Variants in TTC28 observed in about 807,000 individuals in gnomAD.
The protein encoded by TTC28 is tetratricopeptide repeat domain 28, also known as tetratricopeptide repeat protein 28.
Under a neutral mutation model 198.0 loss-of-function variants are expected in TTC28, and 61 were observed. The observed-to-expected ratio is 0.31, with a 90% confidence interval of 0.25 to 0.38. The LOEUF is 0.38. Among genes scored for constraint, TTC28 ranks in the 10% least tolerant of loss-of-function variants. TTC28 has a pLI of 1.00. For missense variants in TTC28, 2,678 were observed against 3,164.0 expected, an observed-to-expected ratio of 0.85 and a Z score of 3.69; for synonymous variants, 1,171 against 1,297.8, an observed-to-expected ratio of 0.90 and a Z score of 2.10.
At chr22:28,506,319 G>A (rs1483071358) in intron 2 of TTC28, among the ~76,000 whole-genome samples, 6 of 151,376 alleles carry the variant, frequency 4.0e-5, no homozygotes, top group Admixed American at 2.0e-4. Context: ...CTTTAATTGC[G>A]ACCCTGACCC....
At chr22:28,372,344 T>C (rs117501807) in intron 2 of TTC28, among the ~76,000 whole-genome samples, 2,246 of 152,296 alleles carry the variant, frequency 0.015, 27 homozygotes, top group Non-Finnish European at 0.023. Flanking sequence ...CTACAGGATA[T>C]TTTTATTAAA....
At chr22:28,653,892 C>T (rs550522164) in intron 1 of TTC28, among the ~76,000 whole-genome samples, 18 of 152,290 alleles carry the variant, frequency 1.2e-4, no homozygotes, top group Non-Finnish European at 2.5e-4. Context: ...CTTACATGTC[C>T]GAAAATGACG....
intron 2 of TTC28, among the ~76,000 whole-genome samples, chr22:28,538,577 T>A (rs1276926229): frequency 8.1e-6 from 1 of 122,846 alleles, no homozygotes; most frequent in Non-Finnish European, 1.8e-5. Flanking sequence ...TTTTTTTTTT[T>A]GAGACAGAGT....
intron 12 of TTC28, among the ~76,000 whole-genome samples, chr22:28,089,163 A>G (rs150411168): frequency 0.069 from 10,443 of 152,086 alleles, 396 homozygotes; most frequent in South Asian, 0.09. Context: ...CCCATTACTG[A>G]GTATATACCC....
At chr22:28,042,262 T>C (rs1049344268) in intron 12 of TTC28, among the ~76,000 whole-genome samples, 12 of 145,200 alleles carry the variant, frequency 8.3e-5, no homozygotes, top group African/African-American at 3.2e-4. Context: ...ATCATGCTAC[T>C]ATAAAGACAC....
At chr22:28,260,924 A>G (rs1390884426) in intron 5 of TTC28, among the ~76,000 whole-genome samples, 1 of 152,102 alleles carries the variant, frequency 6.6e-6, no homozygotes, top group African/African-American at 2.4e-5. Context: ...TTCTCTTCTC[A>G]CCCTCAGTCC....
intron 3 of TTC28, among the ~76,000 whole-genome samples, chr22:28,301,664 A>G (rs975713952): frequency 6.6e-6 from 1 of 152,228 alleles, no homozygotes; most frequent in Non-Finnish European, 1.5e-5. Flanking sequence ...TTTTATATCT[A>G]AAGGGGCCTA....
At chr22:28,033,980 G>T (rs944467144) in intron 12 of TTC28, among the ~76,000 whole-genome samples, 1 of 152,176 alleles carries the variant, frequency 6.6e-6, no homozygotes, top group Admixed American at 6.5e-5. Flanking sequence ...TAGAAAGACT[G>T]AATGGACAAT....
chr22:28,029,142 G>T (rs1325622695), intron 13 of TTC28: 3 of 470,810 alleles, frequency 6.4e-6, no homozygotes, highest in Non-Finnish European at 1.3e-5. Flanking sequence ...AGCCATGAGG[G>T]ACACCTGTGA....
At chr22:28,476,002 C>T (rs1483009739) in intron 2 of TTC28, among the ~76,000 whole-genome samples, 1 of 152,072 alleles carries the variant, frequency 6.6e-6, no homozygotes, top group Non-Finnish European at 1.5e-5. Flanking sequence ...TACACAAAAG[C>T]CAGAGTAGCT....
At chr22:28,336,008 G>T (rs1473645069) in intron 2 of TTC28, among the ~76,000 whole-genome samples, 1 of 152,088 alleles carries the variant, frequency 6.6e-6, no homozygotes, top group African/African-American at 2.4e-5. Flanking sequence ...TTTGAGATAC[G>T]TGCCATCAAT....
chr22:28,396,332 A>G (rs2046815169), intron 2 of TTC28, among the ~76,000 whole-genome samples: 2 of 152,226 alleles, frequency 1.3e-5, no homozygotes, highest in Non-Finnish European at 2.9e-5. Flanking sequence ...GAAAGGCCCA[A>G]TCTGACAACT....
chr22:28,598,727 T>C (rs1469009049), intron 2 of TTC28, among the ~76,000 whole-genome samples: 1 of 152,086 alleles, frequency 6.6e-6, no homozygotes, highest in Admixed American at 6.6e-5. Flanking sequence ...CTCTATCCAT[T>C]TGGGGTATAG....
chr22:28,271,575 C>A (rs1237050593), intron 5 of TTC28, among the ~76,000 whole-genome samples: 1 of 152,192 alleles, frequency 6.6e-6, no homozygotes, highest in Non-Finnish European at 1.5e-5. Context: ...TTTCCCCACA[C>A]TGTTCTTGTG....
At chr22:28,006,756 T>C (rs1043247817) in intron 14 of TTC28, 2 of 152,262 alleles carry the variant, frequency 1.3e-5, no homozygotes, top group African/African-American at 4.8e-5. Flanking sequence ...TGGTGAATTC[T>C]GATTGGATTG....
intron 2 of TTC28, among the ~76,000 whole-genome samples, chr22:28,381,642 T>G (rs1443745891): frequency 6.6e-6 from 1 of 151,978 alleles, no homozygotes; most frequent in African/African-American, 2.4e-5. Flanking sequence ...AGAACAGAGG[T>G]TTAAAAATGT....
At chr22:28,642,649 A>C (rs1413100822) in intron 1 of TTC28, among the ~76,000 whole-genome samples, 1 of 152,178 alleles carries the variant, frequency 6.6e-6, no homozygotes, top group African/African-American at 2.4e-5. Context: ...ATATGGAATT[A>C]GGTCTCTAGA....
At chr22:28,183,954 T>C (rs1039377799) in intron 5 of TTC28, among the ~76,000 whole-genome samples, 2 of 152,194 alleles carry the variant, frequency 1.3e-5, no homozygotes, top group African/African-American at 4.8e-5. Context: ...AATTAAACTT[T>C]AGTAACTTTT....
intron 2 of TTC28, among the ~76,000 whole-genome samples, chr22:28,578,376 T>C (rs2050182621): frequency 6.6e-6 from 1 of 152,190 alleles, no homozygotes; most frequent in African/African-American, 2.4e-5. Context: ...ACTGAAAATA[T>C]GAGTAGTTTA....
Sources: gnomAD v4.1 joint callset for allele counts (sites outside exome capture counted in the v4.1 genomes callset) on GRCh38, gnomAD v4.1.1 for gene constraint, MANE v1.5 for transcripts, NCBI Gene and HGNC (gene_info 2026-07-23, HGNC 2026-07-21) for gene names.